ANAPC10: variants seen among roughly 807,000 people sequenced by gnomAD.
ANAPC10 encodes the protein anaphase promoting complex subunit 10.
ANAPC10 carries 12 observed loss-of-function variants against 22.0 expected under a neutral mutation model. The ratio of observed to expected loss-of-function variants is 0.55; its 90% CI spans 0.35 to 0.88. The LOEUF is 0.88. Ranked by LOEUF, ANAPC10 falls within the 40% of genes least tolerant of loss-of-function variation. The pLI is 0.01. For missense variants in ANAPC10, 188 were observed against 220.9 expected, an observed-to-expected ratio of 0.85 and a Z score of 0.94; for synonymous variants, 65 against 69.5, an observed-to-expected ratio of 0.94 and a Z score of 0.32.
At chr4:145,054,322 A>T (rs1358762164) in intron 4 of ANAPC10, among the ~76,000 whole-genome samples, 2 of 149,364 alleles carry the variant, frequency 1.3e-5, no homozygotes, top group Non-Finnish European at 3.0e-5. Flanking sequence ...GAGGCCGAGG[A>T]GGGCAGATCA....
At chr4:145,006,641 T>C (rs893314266) in intron 4 of ANAPC10, among the ~76,000 whole-genome samples, 3 of 152,190 alleles carry the variant, frequency 2.0e-5, no homozygotes, top group African/African-American at 7.2e-5. Flanking sequence ...ACGACGATAA[T>C]TTTATTTCTG....
chr4:145,070,226 C>T (rs35705920), intron 3 of ANAPC10, among the ~76,000 whole-genome samples: 15 of 152,178 alleles, frequency 9.9e-5, no homozygotes, highest in African/African-American at 3.4e-4. Context: ...AACTAAGTGA[C>T]ACTCCGTCAT....
chr4:145,029,926 G>T (rs577115114), intron 4 of ANAPC10, among the ~76,000 whole-genome samples: 1 of 152,266 alleles, frequency 6.6e-6, no homozygotes, highest in East Asian at 1.9e-4. Context: ...CTGTATGTCA[G>T]ATCTAACGAT....
intron 4 of ANAPC10, among the ~76,000 whole-genome samples, chr4:145,042,334 A>G (rs555703488): frequency 6.6e-6 from 1 of 152,306 alleles, no homozygotes; most frequent in South Asian, 2.1e-4. Context: ...TAACAATACT[A>G]TCAAGAAGCC....
intron 4 of ANAPC10, among the ~76,000 whole-genome samples, chr4:145,023,616 A>C (rs1736262050): frequency 6.6e-6 from 1 of 152,188 alleles, no homozygotes; most frequent in Non-Finnish European, 1.5e-5. Flanking sequence ...GCTGTGTTAC[A>C]CTATACTAGA....
At chr4:145,027,850 C>A (rs1447069128) in intron 4 of ANAPC10, among the ~76,000 whole-genome samples, 1 of 152,010 alleles carries the variant, frequency 6.6e-6, no homozygotes, top group African/African-American at 2.4e-5. Flanking sequence ...GGATGTAGTC[C>A]ACCAATAAAG....
At chr4:145,076,026 A>T (rs1463197828) in intron 3 of ANAPC10, among the ~76,000 whole-genome samples, 2 of 152,094 alleles carry the variant, frequency 1.3e-5, no homozygotes. Flanking sequence ...GCCATGTCTG[A>T]TTGCAGCACA....
intron 2 of ANAPC10, among the ~76,000 whole-genome samples, chr4:145,087,030 C>T (rs1052905807): frequency 7.9e-5 from 12 of 151,732 alleles, no homozygotes; most frequent in East Asian, 2.0e-4. Flanking sequence ...CAAGCAGAGG[C>T]GGTAAATGTG....
Position 145,096,107 on chromosome 4 carries a change from A to G in ANAPC10, c.-8T>C, listed in dbSNP as rs1748469473. The G allele has an allele frequency of 3.7e-6, 6 of 1,613,420 alleles. No individual in the cohort carries two copies. In the East Asian group the frequency reaches 1.3e-4, roughly 36 times the overall value. ...CTTGTTTGGTGTAGTCATTTTTAAA[A>G]TATTCTATGTAGAAAACAAGAATGC... On this transcript the variant is annotated 5_prime_UTR_variant, in exon 2 of 5. Coordinates refer to ENST00000507656, the MANE Select transcript of ANAPC10 (RefSeq NM_001256706.2).
chr4:145,000,465 C>T lies in ANAPC10; in HGVS notation c.328-4862G>A, dbSNP rs550012596. On this transcript the variant is annotated intron_variant, in intron 4 of 4. Transcript: ENST00000507656. ...CTAAAACATGCTCATCATCACTGGT[C>T]ATCAGAGAAATGCAAATCAAAACCA... Among the ~76,000 whole-genome samples, 7 of 152,290 alleles carry T rather than the reference C, an allele frequency of 4.6e-5. No homozygotes were observed. The East Asian group carries it at 1.3e-3, about 29-fold the overall frequency.
chr4:145,010,434 C>T (rs1036215110), intron 4 of ANAPC10, among the ~76,000 whole-genome samples: 3 of 152,094 alleles, frequency 2.0e-5, no homozygotes, highest in Non-Finnish European at 1.5e-5. Context: ...AAATGACCAT[C>T]GGTGATAGAC....
chr4:145,050,850 T>C (rs894561771), intron 4 of ANAPC10, among the ~76,000 whole-genome samples: 1 of 152,242 alleles, frequency 6.6e-6, no homozygotes, highest in African/African-American at 2.4e-5. Flanking sequence ...GGGAATGTTG[T>C]AGCTGGTTTA....
chr4:145,026,005 C>G (rs551669891), intron 4 of ANAPC10, among the ~76,000 whole-genome samples: 6 of 152,208 alleles, frequency 3.9e-5, no homozygotes, highest in Admixed American at 1.3e-4. Flanking sequence ...GATGGCAGCA[C>G]CTGAATATAA....
chr4:145,001,159 T>G (rs915700854), intron 4 of ANAPC10, among the ~76,000 whole-genome samples: 1 of 145,656 alleles, frequency 6.9e-6, no homozygotes, highest in East Asian at 2.1e-4. Context: ...ATTGTGTACA[T>G]GTACCCTAGA....
At chr4:145,048,847 T>C (rs1213367557) in intron 4 of ANAPC10, among the ~76,000 whole-genome samples, 1 of 152,206 alleles carries the variant, frequency 6.6e-6, no homozygotes, top group Admixed American at 6.5e-5. Flanking sequence ...AAGTTTTGTG[T>C]GTAATACCTC....
chr4:145,090,363 C>T (rs1278708344), intron 2 of ANAPC10, among the ~76,000 whole-genome samples: 1 of 152,016 alleles, frequency 6.6e-6, no homozygotes, highest in Non-Finnish European at 1.5e-5. Context: ...TAGTTGAATC[C>T]ATGAAATTAG....
At chr4:145,069,578 G>A (rs375925291) in intron 3 of ANAPC10, among the ~76,000 whole-genome samples, 2 of 152,116 alleles carry the variant, frequency 1.3e-5, no homozygotes, top group East Asian at 1.9e-4. Context: ...TAAGACATTC[G>A]TTTGAGATCC....
chr4:144,998,474 G>C (rs888139754), intron 4 of ANAPC10, among the ~76,000 whole-genome samples: 3 of 151,950 alleles, frequency 2.0e-5, no homozygotes, highest in East Asian at 1.9e-4. Context: ...CACTCAAAAC[G>C]GCTCAACTAC....
chr4:145,002,525 T>C, intron 4 of ANAPC10, among the ~76,000 whole-genome samples: 1 of 152,156 alleles, frequency 6.6e-6, no homozygotes. Flanking sequence ...GAGTTAAGAT[T>C]ATATAGCTTA....
Sources: allele counts gnomAD v4.1 joint callset (sites outside exome capture counted in the v4.1 genomes callset), GRCh38; gene constraint gnomAD v4.1.1; transcripts MANE v1.5; gene names NCBI Gene and HGNC (gene_info 2026-07-23, HGNC 2026-07-21).